GALNTL6: variants seen among roughly 807,000 people sequenced by gnomAD.
GALNTL6 encodes the protein polypeptide N-acetylgalactosaminyltransferase like 6.
In GALNTL6, 46 loss-of-function variants were observed where a neutral mutation model predicts 73.7. That is an observed-to-expected ratio of 0.62 (90% confidence interval 0.49 to 0.80). The LOEUF is 0.80. Ranked by LOEUF, GALNTL6 falls within the 30% of genes least tolerant of loss-of-function variation. GALNTL6 has a pLI of 0.00. For synonymous variants in GALNTL6, 259 were observed against 263.7 expected, an observed-to-expected ratio of 0.98 and a Z score of 0.17; for missense variants, 604 against 755.0, an observed-to-expected ratio of 0.80 and a Z score of 2.34.
chr4:172,759,897 C>T (rs1191072285), intron 5 of GALNTL6, among the ~76,000 whole-genome samples: 2 of 141,242 alleles, frequency 1.4e-5, no homozygotes, highest in South Asian at 2.3e-4. Context: ...ACTGCAGTGG[C>T]GCAATCTCGG....
intron 3 of GALNTL6, among the ~76,000 whole-genome samples, chr4:172,281,538 A>C (rs1739056367): frequency 6.6e-6 from 1 of 152,000 alleles, no homozygotes; most frequent in South Asian, 2.1e-4. Context: ...CTACTAAAAA[A>C]AAATACAAAA....
intron 5 of GALNTL6, among the ~76,000 whole-genome samples, chr4:172,367,705 ATAT>A (rs1421618403): frequency 2.6e-5 from 4 of 152,240 alleles, no homozygotes; most frequent in African/African-American, 9.6e-5. Flanking sequence ...TTTAATGGAC[ATAT>A]TAATAATGCA....
intron 2 of GALNTL6, among the ~76,000 whole-genome samples, chr4:171,983,146 GT>G: frequency 6.6e-6 from 1 of 152,226 alleles, no homozygotes; most frequent in Non-Finnish European, 1.5e-5. Context: ...AACCCGTATA[GT>G]TTTAGGCCTG....
At chr4:172,964,696 G>C (rs967461359) in intron 10 of GALNTL6, among the ~76,000 whole-genome samples, 3 of 152,152 alleles carry the variant, frequency 2.0e-5, no homozygotes, top group African/African-American at 7.2e-5. Context: ...AGTGCACAAG[G>C]CTTTTCAGGT....
At chr4:172,318,055 G>T (rs1225919387) in intron 4 of GALNTL6, among the ~76,000 whole-genome samples, 3 of 152,104 alleles carry the variant, frequency 2.0e-5, no homozygotes, top group Middle Eastern at 3.2e-3. Context: ...TGATAAGCAG[G>T]AGATTGAAAG....
chr4:172,514,031 G>T (rs1354611219), intron 5 of GALNTL6, among the ~76,000 whole-genome samples: 3 of 152,134 alleles, frequency 2.0e-5, no homozygotes, highest in Non-Finnish European at 2.9e-5. Context: ...GGCTTGAGTT[G>T]GTTGGCCTCC....
intron 5 of GALNTL6, among the ~76,000 whole-genome samples, chr4:172,734,425 A>C (rs1260372078): frequency 5.9e-5 from 9 of 152,174 alleles, no homozygotes; most frequent in Non-Finnish European, 1.0e-4. Context: ...CTAGGAGGGA[A>C]TGGGTAAACA....
intron 2 of GALNTL6, among the ~76,000 whole-genome samples, chr4:172,142,984 A>C (rs930215830): frequency 6.6e-6 from 1 of 151,966 alleles, no homozygotes; most frequent in Non-Finnish European, 1.5e-5. Flanking sequence ...TCTCATATTT[A>C]ATGTATGTAT....
intron 5 of GALNTL6, among the ~76,000 whole-genome samples, chr4:172,371,077 G>A (rs1242225340): frequency 1.3e-5 from 2 of 152,180 alleles, no homozygotes; most frequent in Non-Finnish European, 2.9e-5. Context: ...GATTCTGTAA[G>A]TACTTTAAGA....
intron 4 of GALNTL6, among the ~76,000 whole-genome samples, chr4:172,327,334 G>A (rs1362392340): frequency 6.6e-6 from 1 of 152,102 alleles, no homozygotes; most frequent in Non-Finnish European, 1.5e-5. Context: ...GTCAATTTTA[G>A]AGTGTGTGCC....
At chr4:172,368,722 G>A (rs556239057) in intron 5 of GALNTL6, among the ~76,000 whole-genome samples, 83 of 151,840 alleles carry the variant, frequency 5.5e-4, no homozygotes, top group African/African-American at 1.6e-3. Flanking sequence ...ATGTTCAGAT[G>A]TGTCTGGAGT....
chr4:172,095,500 G>T (rs947757803), intron 2 of GALNTL6, among the ~76,000 whole-genome samples: 1 of 152,130 alleles, frequency 6.6e-6, no homozygotes, highest in African/African-American at 2.4e-5. Context: ...ACAGGAAAAA[G>T]CAGTACCCTT....
intron 2 of GALNTL6, among the ~76,000 whole-genome samples, chr4:171,827,883 AT>A (rs147916247): frequency 1.3e-5 from 2 of 152,054 alleles, no homozygotes; most frequent in African/African-American, 4.8e-5. Flanking sequence ...ATACATTGGA[AT>A]TTTTTTGGAG....
intron 5 of GALNTL6, among the ~76,000 whole-genome samples, chr4:172,405,978 A>AGTAATGTT (rs1185534760): frequency 6.6e-6 from 1 of 152,030 alleles, no homozygotes; most frequent in East Asian, 1.9e-4. Flanking sequence ...TATATTTTTA[A>AGTAATGTT]GTAATGTTAT....
intron 5 of GALNTL6, among the ~76,000 whole-genome samples, chr4:172,453,094 C>T (rs903639114): frequency 5.3e-5 from 8 of 151,940 alleles, no homozygotes; most frequent in African/African-American, 9.7e-5. Context: ...CCAGCTACTC[C>T]GGAGGCTGCG....
intron 4 of GALNTL6, among the ~76,000 whole-genome samples, chr4:172,336,174 T>C (rs1435681805): frequency 1.3e-5 from 2 of 152,070 alleles, no homozygotes; most frequent in Non-Finnish European, 2.9e-5. Context: ...GAATTTTGTT[T>C]ATTTATATCT....
intron 2 of GALNTL6, among the ~76,000 whole-genome samples, chr4:171,895,864 A>G (rs994579912): frequency 6.6e-6 from 1 of 152,104 alleles, no homozygotes; most frequent in Admixed American, 6.6e-5. Context: ...AATAATAATG[A>G]TTAAAAAGAC....
chr4:172,987,475 T>A (rs879696264), intron 10 of GALNTL6, among the ~76,000 whole-genome samples: 3 of 152,198 alleles, frequency 2.0e-5, no homozygotes, highest in African/African-American at 4.8e-5. Flanking sequence ...GAACTACAAT[T>A]CAAGATGAAG....
intron 8 of GALNTL6, among the ~76,000 whole-genome samples, chr4:172,918,293 G>A (rs1747630743): frequency 6.6e-6 from 1 of 151,872 alleles, no homozygotes; most frequent in Non-Finnish European, 1.5e-5. Context: ...TGTAAATGAT[G>A]AGTTAATGGG....
Sources: gnomAD v4.1 joint callset for allele counts (sites outside exome capture counted in the v4.1 genomes callset) on GRCh38, gnomAD v4.1.1 for gene constraint, MANE v1.5 for transcripts, NCBI Gene and HGNC (gene_info 2026-07-23, HGNC 2026-07-21) for gene names.